VAV3: variants seen among roughly 807,000 people sequenced by gnomAD.
VAV3 encodes guanine nucleotide exchange factor VAV3.
A neutral mutation model predicts 131.2 loss-of-function variants in VAV3; 94 were observed. The observed-to-expected ratio is 0.72, with a 90% confidence interval of 0.61 to 0.85. The LOEUF (loss-of-function observed/expected upper bound fraction) is 0.85, where lower values mean the gene tolerates loss of function less well. Among genes scored for constraint, VAV3 ranks in the 40% least tolerant of loss-of-function variants. The probability of loss-of-function intolerance (pLI) is 0.00; values close to 1 mark genes in which losing one functional copy is unlikely to be tolerated. For synonymous variants in VAV3, 349 were observed against 342.0 expected (o/e 1.02, Z -0.22); for missense variants, 939 against 1,002.7 (o/e 0.94, Z 0.86).
At chr1:107,619,091 AT>A (rs980090407) in intron 20 of VAV3, among the ~76,000 whole-genome samples, 3 of 152,132 alleles carry the variant, frequency 2.0e-5, no homozygotes, top group African/African-American at 7.2e-5. Flanking sequence ...AGTGGATTAG[AT>A]ATGGGAAGAG....
intron 15 of VAV3, among the ~76,000 whole-genome samples, chr1:107,720,107 G>A (rs1661389903): frequency 6.6e-6 from 1 of 152,102 alleles, no homozygotes; most frequent in African/African-American, 2.4e-5. Flanking sequence ...AATACCTAAT[G>A]TAAATGATGA....
At chr1:107,722,835 C>CCTCTCT (rs747865257) in intron 15 of VAV3, among the ~76,000 whole-genome samples, 10 of 48,924 alleles carry the variant, frequency 2.0e-4, no homozygotes, top group East Asian at 3.2e-3. Flanking sequence ...GCCCTATTAT[C>CCTCTCT]CTCTCTTTTT....
In VAV3 at chr1:107,928,898, A is replaced by G. The variant is rs936461251; in HGVS notation, c.204+35768T>C. ...AGAAAGATATCGATATCCAAGTATA[A>G]TAAGGTTCTAAAACACTAAGCAGAT... On this transcript the variant is annotated intron_variant, in intron 1 of 26. Transcript: ENST00000370056. Among the ~76,000 whole-genome samples the G allele has an allele frequency of 2.0e-4, 30 of 152,316 alleles. 1 individual carries two copies. In the East Asian group the frequency reaches 5.4e-3, roughly 27 times the overall value.
Position 107,818,730 on chromosome 1 carries a change from A to G in VAV3, c.322-39238T>C, listed in dbSNP as rs995619117. ...GTTTAAGACTATATACATAAGTAGT[A>G]AAAATATAAACCAATATCATGTAGA... is the stretch of plus-strand genomic sequence containing the variant. On this transcript the variant is annotated intron_variant, in intron 2 of 26. Transcript: ENST00000370056. 1.8e-4 allele frequency among the ~76,000 whole-genome samples: 27 copies of G among 152,212 alleles called. 2 individuals carry two copies. Among genetic ancestry groups the G allele is most frequent in the Non-Finnish European group, 2.9e-5 (2 of 68,038 alleles).
chr1:107,675,923 G>C (rs1034543731), intron 19 of VAV3, among the ~76,000 whole-genome samples: 1 of 152,120 alleles, frequency 6.6e-6, no homozygotes. Context: ...AACCTTTGTT[G>C]GGAATCTCCA....
chr1:107,618,482 C>T (rs965023782), intron 20 of VAV3, among the ~76,000 whole-genome samples: 9 of 151,890 alleles, frequency 5.9e-5, no homozygotes, highest in South Asian at 4.2e-4. Flanking sequence ...AGAAGAAGAC[C>T]GTAAGATTTT....
chr1:107,919,575 G>T (rs1186829551), intron 1 of VAV3, among the ~76,000 whole-genome samples: 1 of 152,134 alleles, frequency 6.6e-6, no homozygotes, highest in East Asian at 1.9e-4. Flanking sequence ...TGACACACCT[G>T]AACTTTGGAT....
At chr1:107,893,503 G>A (rs1297488631) in intron 1 of VAV3, among the ~76,000 whole-genome samples, 2 of 152,184 alleles carry the variant, frequency 1.3e-5, no homozygotes, top group Non-Finnish European at 2.9e-5. Flanking sequence ...AGTTCCAAGT[G>A]GCTGGGGAGG....
At chr1:107,723,239 T>C (rs1202618481) in intron 15 of VAV3, among the ~76,000 whole-genome samples, 1 of 152,132 alleles carries the variant, frequency 6.6e-6, no homozygotes, top group Non-Finnish European at 1.5e-5. Flanking sequence ...AGCTACTCCT[T>C]TGGGCCTTGC....
intron 4 of VAV3, among the ~76,000 whole-genome samples, chr1:107,774,936 C>A (rs1222059043): frequency 6.8e-6 from 1 of 147,964 alleles, no homozygotes; most frequent in East Asian, 2.0e-4. Context: ...TTTAAGATAA[C>A]CCTACTTCAC....
At chr1:107,796,401 A>T (rs1049758517) in intron 2 of VAV3, among the ~76,000 whole-genome samples, 2 of 152,052 alleles carry the variant, frequency 1.3e-5, no homozygotes, top group Admixed American at 1.3e-4. Context: ...TTTTTTAGGG[A>T]TCAGTTCTCT....
At chr1:107,918,685 G>A (rs1270203938) in intron 1 of VAV3, among the ~76,000 whole-genome samples, 1 of 133,766 alleles carries the variant, frequency 7.5e-6, no homozygotes, top group South Asian at 2.3e-4. Flanking sequence ...TATTTTTAAG[G>A]CATATATATA....
chr1:107,614,163 T>A (rs1652962328), intron 21 of VAV3, among the ~76,000 whole-genome samples: 1 of 152,020 alleles, frequency 6.6e-6, no homozygotes. Context: ...ATACCCAAGT[T>A]TGCATTGTGC....
chr1:107,654,643 T>A (rs1273269676), intron 19 of VAV3, among the ~76,000 whole-genome samples: 2 of 152,026 alleles, frequency 1.3e-5, no homozygotes, highest in African/African-American at 2.4e-5. Context: ...AGTCTAATTA[T>A]CTCCCCAAAT....
intron 1 of VAV3, among the ~76,000 whole-genome samples, chr1:107,961,575 T>C (rs1393032499): frequency 1.3e-5 from 2 of 152,380 alleles, no homozygotes; most frequent in African/African-American, 2.4e-5. Flanking sequence ...CTGTATTATA[T>C]AATAAGAGGA....
At chr1:107,624,964 C>T (rs993461346) in intron 20 of VAV3, among the ~76,000 whole-genome samples, 8 of 152,034 alleles carry the variant, frequency 5.3e-5, no homozygotes, top group Non-Finnish European at 1.2e-4. Context: ...CAGGAAAAAA[C>T]CTGTGAGGTG....
At chr1:107,627,066 G>C (rs1654075387) in intron 20 of VAV3, among the ~76,000 whole-genome samples, 1 of 152,184 alleles carries the variant, frequency 6.6e-6, no homozygotes, top group Non-Finnish European at 1.5e-5. Flanking sequence ...TTCAGGGAGA[G>C]GTGCTGGAGG....
At position 107,573,210 on chromosome 1, in the gene VAV3, G is replaced by C; in HGVS notation, c.*121C>G. The C allele has an allele frequency of 9.5e-7, 1 of 1,050,004 alleles. No homozygotes were observed. The highest frequency in any genetic ancestry group is 1.6e-5 in the South Asian group (1 of 63,342). The allele number at this position is 1,050,004 out of a possible 1,614,324, so 65.0% of individuals were successfully genotyped here. On this transcript the variant is annotated 3_prime_UTR_variant, in exon 27 of 27. Transcript: ENST00000370056. ...AGACTTAGGAGGGGCTAAGGAGGGA[G>C]GATGTTGAACAGCCAGAAATGCAGC...
intron 2 of VAV3, among the ~76,000 whole-genome samples, chr1:107,828,694 G>A (rs2102382022): frequency 6.6e-6 from 1 of 152,192 alleles, no homozygotes; most frequent in Admixed American, 6.5e-5. Flanking sequence ...GTTGGAAAAG[G>A]TTCTCTGCTT....
Sources: gnomAD v4.1 joint callset for allele counts (sites outside exome capture counted in the v4.1 genomes callset) on GRCh38, gnomAD v4.1.1 for gene constraint, MANE v1.5 for transcripts, NCBI Gene and HGNC (gene_info 2026-07-23, HGNC 2026-07-21) for gene names.